TTF1: variants seen among roughly 807,000 people sequenced by gnomAD.
TTF1 encodes transcription termination factor 1.
A neutral mutation model predicts 80.2 loss-of-function variants in TTF1; 64 were observed. The ratio of observed to expected loss-of-function variants is 0.80; its 90% CI spans 0.65 to 0.98. The LOEUF (loss-of-function observed/expected upper bound fraction) is 0.98. Ranked by LOEUF, TTF1 falls within the 50% of genes least tolerant of loss-of-function variation. The pLI, the probability that TTF1 is intolerant of heterozygous loss-of-function variation, is 0.00. For missense variants in TTF1, 1,023 were observed against 1,086.2 expected (o/e 0.94, Z 0.82); for synonymous variants, 372 against 382.7 (o/e 0.97, Z 0.33).
In TTF1 at chr9:132,401,615, A is replaced by G. The variant is rs1457389245; in HGVS notation, c.1207T>C (p.Ser403Pro). Residue 403 changes from serine (S) to proline (P), a missense_variant, in exon 2 of 11, where the codon TCT becomes CCT. Transcript: ENST00000334270. ...KLTSVKRARVSGDDFSVPSKN... is the reference protein window; with the variant it reads ...KLTSVKRARVPGDDFSVPSKN... ...CTGGGCACTGAAAAATCATCACCAG[A>G]CACTCGTGCCCTTTTGACAGACGTA... The G allele has an allele frequency of 1.2e-6, 2 of 1,614,126 alleles. No homozygotes were observed. Among genetic ancestry groups the G allele is most frequent in the South Asian group, 2.2e-5 (2 of 91,078 alleles).
intron 4 of TTF1, 148 bp downstream of exon 4, chr9:132,397,993 A>C: frequency 8.0e-6 from 5 of 621,480 alleles, no homozygotes; most frequent in Non-Finnish European, 1.0e-5. Context: ...CTCAAAAAAA[A>C]AAAAAAGAAT....
Position 132,382,093 on chromosome 9 carries a change from G to A in TTF1, c.2379-2949C>T, listed in dbSNP as rs115766751. Among the ~76,000 whole-genome samples, 1,231 of 152,332 alleles carry A rather than the reference G, an allele frequency of 8.1e-3. 14 individuals carry two copies. Among genetic ancestry groups the A allele is most frequent in the African/African-American group, 0.028 (1,155 of 41,574 alleles). ...GCTCTGCAGCCCAGCTCTCCCTTGC[G>A]TAGCAAGCAGTAAGTTGAGATATCG... On this transcript the variant is annotated intron_variant, in intron 9 of 10. Coordinates refer to ENST00000334270, the MANE Select transcript of TTF1 (RefSeq NM_007344.4).
chr9:132,381,128 T>G (rs1849364587), intron 9 of TTF1, among the ~76,000 whole-genome samples: 1 of 152,170 alleles, frequency 6.6e-6, no homozygotes, highest in African/African-American at 2.4e-5. Flanking sequence ...AAAAACCCAT[T>G]TTAGTTTTAA....
chr9:132,392,100 G>C lies in TTF1; in HGVS notation c.1963C>G (p.Leu655Val). 6.2e-7 allele frequency: 1 copy of C among 1,614,046 alleles called. No homozygotes were observed. The highest frequency in any genetic ancestry group is 1.1e-5 in the South Asian group (1 of 91,062). Residue 655 changes from leucine to valine, a missense_variant, in exon 6 of 11, where the codon CTC becomes GTC. Coordinates refer to ENST00000334270, the MANE Select transcript of TTF1 (RefSeq NM_007344.4). The part of the protein sequence containing the change: ...MVARSSLSVA[L>V]KFSQISSQRN... ...CGACTGCTGATCTGTGAGAACTTGA[G>C]GGCCACGGAGAGGCTACTTCGGGCC... is the stretch of plus-strand genomic sequence containing the variant.
chr9:132,391,370 C>T (rs762317699), intron 6 of TTF1, among the ~76,000 whole-genome samples: 3 of 151,098 alleles, frequency 2.0e-5, no homozygotes, highest in Non-Finnish European at 2.9e-5. Context: ...AAGTAAGGAG[C>T]GTCACACTGG....
At chr9:132,394,413 G>C (rs972253856) in intron 5 of TTF1, among the ~76,000 whole-genome samples, 1 of 151,926 alleles carries the variant, frequency 6.6e-6, no homozygotes, top group East Asian at 2.0e-4. Flanking sequence ...CCAAGTAGCT[G>C]GGATTATAAG....
intron 5 of TTF1, among the ~76,000 whole-genome samples, chr9:132,394,892 C>CAAAA (rs1303358774): frequency 7.7e-6 from 1 of 129,334 alleles, no homozygotes; most frequent in Non-Finnish European, 1.7e-5. Context: ...GACCCTGTTC[C>CAAAA]AAAAAAAAAA....
chr9:132,391,913 C>T (rs1849564796), intron 6 of TTF1, among the ~76,000 whole-genome samples, 163 bp downstream of exon 6: 1 of 152,200 alleles, frequency 6.6e-6, no homozygotes, highest in African/African-American at 2.4e-5. Context: ...TCACTAAACA[C>T]ACGAGGAAAC....
intron 8 of TTF1, 129 bp downstream of exon 8, chr9:132,388,010 A>G (rs1849499651): frequency 7.9e-6 from 5 of 629,762 alleles, no homozygotes; most frequent in South Asian, 2.0e-5. Flanking sequence ...TATGCCCACA[A>G]TACATGCGGA....
Position 132,400,080 on chromosome 9 carries a change from T to C in TTF1, c.1546A>G (p.Met516Val). Residue 516 changes from methionine to valine, a missense_variant, in exon 3 of 11, where the codon ATG (methionine) becomes GTG (valine). Physicochemically the swap from Met to Val is conservative, Grantham distance 21 (BLOSUM62 1). Coordinates refer to ENST00000334270, the MANE Select transcript of TTF1 (RefSeq NM_007344.4). ...KDRATSTIKR[M>V]YRDDLERFKE... Reference sequence around the variant, plus strand: ...AACCGTTCCAAGTCGTCCCGGTACATCCGCTTGATTGTGCTGGTGGCCCTG... The same window carrying C: ...AACCGTTCCAAGTCGTCCCGGTACACCCGCTTGATTGTGCTGGTGGCCCTG... 1.2e-6 allele frequency: 2 copies of C among 1,614,202 alleles called. No homozygotes were observed. Among genetic ancestry groups the C allele is most frequent in the Non-Finnish European group, 1.7e-6 (2 of 1,180,042 alleles).
At chr9:132,382,761 C>CA (rs55904518) in intron 9 of TTF1, among the ~76,000 whole-genome samples, 6 of 137,008 alleles carry the variant, frequency 4.4e-5, no homozygotes, top group East Asian at 2.2e-4. Flanking sequence ...ACTAAAAATA[C>CA]AAAAAAAAAA....
At position 132,401,751 on chromosome 9, in the gene TTF1, G is replaced by A. The variant is rs774520750; in HGVS notation, c.1071C>T (p.Tyr357=). Residue 357 remains tyrosine, a synonymous_variant, in exon 2 of 11, where the codon TAC becomes TAT. Transcript: ENST00000334270. ...VAMPESLESA[Y]PEGSQVGSEV... ...CACTGCCCACCTGTGATCCTTCAGGGTATGCACTCTCGAGGCTCTCAGGCA... is the reference window on the plus strand; with the variant it reads ...CACTGCCCACCTGTGATCCTTCAGGATATGCACTCTCGAGGCTCTCAGGCA... 5.6e-6 allele frequency: 9 copies of A among 1,613,500 alleles called. No individual in the cohort carries two copies. Among genetic ancestry groups the A allele is most frequent in the Non-Finnish European group, 7.6e-6 (9 of 1,179,894 alleles).
At chr9:132,378,941 A>G (rs759122026) in intron 10 of TTF1, 118 bp downstream of exon 10, 53 of 683,904 alleles carry the variant, frequency 7.7e-5, no homozygotes, top group Non-Finnish European at 1.1e-4. Context: ...TGTTTCCACC[A>G]TTTTGCAGCT....
At chr9:132,404,884 CTTTT>C (rs1002192971) in intron 1 of TTF1, among the ~76,000 whole-genome samples, 1 of 151,766 alleles carries the variant, frequency 6.6e-6, no homozygotes. Flanking sequence ...CCGATTATTT[CTTTT>C]TTTTCTTTTT....
rs371657775 is a variant in TTF1 at position 132,398,135 on chromosome 9, A to G, written c.1777+6T>C. ...ATGGTCAAAGGGTGATTGTTTCTAA[A>G]CTTACCAATGTGTAATCTAAACGAG... On this transcript the variant is annotated splice_donor_region_variant and intron_variant, in intron 4 of 10. Coordinates refer to ENST00000334270, the MANE Select transcript of TTF1 (RefSeq NM_007344.4). The G allele has an allele frequency of 1.4e-5, 22 of 1,572,370 alleles. No homozygotes were observed. The highest frequency in any genetic ancestry group is 1.7e-5 in the Non-Finnish European group (20 of 1,165,678).
rs759751735 is a variant in TTF1, at chr9:132,392,058, C to CT, written c.1987+17dup. On this transcript the variant is annotated intron_variant, in intron 6 of 10. Coordinates refer to ENST00000334270, the MANE Select transcript of TTF1 (RefSeq NM_007344.4). ...GCTTATTTCTTCAGCGAGGTGGGCA[C>CT]TGGGGGCTGCCACTTACGACTGCTG... 174 of 1,613,354 alleles carry CT rather than the reference C, an allele frequency of 1.1e-4. No homozygotes were observed. Among genetic ancestry groups the CT allele is most frequent in the Non-Finnish European group, 1.4e-4 (165 of 1,179,960 alleles).
At chr9:132,396,811 G>T (rs566534269) in intron 4 of TTF1, among the ~76,000 whole-genome samples, 1 of 151,972 alleles carries the variant, frequency 6.6e-6, no homozygotes, top group Non-Finnish European at 1.5e-5. Flanking sequence ...GGGATTACAG[G>T]TGTCCACCGC....
chr9:132,376,000 T>C lies in TTF1; in HGVS notation c.2633A>G (p.Glu878Gly). Residue 878 changes from glutamate to glycine, a missense_variant, in exon 11 of 11, where the codon GAA becomes GGA. Coordinates refer to ENST00000334270, the MANE Select transcript of TTF1 (RefSeq NM_007344.4). The part of the protein sequence containing the change: ...YEDDSEGEDI[E>G]KESEGQAPCM... ...TGGCGCCTGGCCTTCGCTTTCTTTT[T>C]CTATGTCCTCTCCTTCACTATCGTC... The C allele has an allele frequency of 1.2e-6, 2 of 1,614,170 alleles. No individual in the cohort carries two copies. Among genetic ancestry groups the C allele is most frequent in the Non-Finnish European group, 8.5e-7 (1 of 1,180,038 alleles).
rs1849430711 is a variant in TTF1, at chr9:132,384,772, T to G, written c.2378+1784A>C. ...CCTGGGTTCAAGCGATTCTCCTGCC[T>G]CAGCCTCCTGAGTAGCTGGGACTAC... On this transcript the variant is annotated intron_variant, in intron 9 of 10. Coordinates refer to ENST00000334270, the MANE Select transcript of TTF1 (RefSeq NM_007344.4). The surrounding 1 kb of genome is among the most constrained non-coding windows in gnomAD (Gnocchi z 4.1). Among the ~76,000 whole-genome samples, 1 of 152,204 alleles carries G rather than the reference T, an allele frequency of 6.6e-6. No homozygotes were observed. Among genetic ancestry groups the G allele is most frequent in the Admixed American group, 6.5e-5 (1 of 15,280 alleles).
Sources: gnomAD v4.1 joint callset for allele counts (sites outside exome capture counted in the v4.1 genomes callset) on GRCh38, gnomAD v4.1.1 for gene constraint, Gnocchi (gnomAD v3.1) non-coding constraint, MANE v1.5 for transcripts, NCBI Gene and HGNC (gene_info 2026-07-23, HGNC 2026-07-21) for gene names.